Variants in FGGY observed in about 807,000 individuals in gnomAD.
The protein encoded by FGGY is FGGY carbohydrate kinase domain-containing protein.
A neutral mutation model predicts 71.3 loss-of-function variants in FGGY; 72 were observed. That is an observed-to-expected ratio of 1.01 (90% confidence interval 0.84 to 1.23). FGGY has a LOEUF of 1.23. Among genes scored for constraint, FGGY ranks in the 50% most tolerant of loss-of-function variants. The pLI is 0.00. For missense variants in FGGY, 668 were observed against 682.3 expected (o/e 0.98, Z 0.23); for synonymous variants, 251 against 250.3 (o/e 1.00, Z -0.02).
chr1:59,660,376 T>G (rs1474385489), intron 12 of FGGY, 83 bp downstream of exon 12: 12 of 972,410 alleles, frequency 1.2e-5, no homozygotes, highest in Non-Finnish European at 1.4e-5. Context: ...ATACAGCACA[T>G]GCTTTTGTGA....
intron 6 of FGGY, among the ~76,000 whole-genome samples, chr1:59,499,945 A>G (rs1051531612): frequency 1.4e-4 from 22 of 152,140 alleles, no homozygotes; most frequent in African/African-American, 4.8e-4. Flanking sequence ...ATATATACAT[A>G]TATATGTTTG....
intron 4 of FGGY, among the ~76,000 whole-genome samples, chr1:59,374,732 G>A (rs2153298864): frequency 6.6e-6 from 1 of 152,140 alleles, no homozygotes; most frequent in South Asian, 2.1e-4. Context: ...CCATAAAAAT[G>A]TTGAGTTCAC....
At chr1:59,533,217 T>G (rs1035833338) in intron 7 of FGGY, among the ~76,000 whole-genome samples, 1 of 150,822 alleles carries the variant, frequency 6.6e-6, no homozygotes, top group Admixed American at 6.6e-5. Flanking sequence ...GTCAGGGAGT[T>G]CCCTTTCCTA....
intron 3 of FGGY, among the ~76,000 whole-genome samples, chr1:59,343,512 C>T (rs2051138852): frequency 6.6e-6 from 1 of 152,192 alleles, no homozygotes; most frequent in African/African-American, 2.4e-5. Flanking sequence ...TTTGCTCCTC[C>T]TCCACATTCC....
At chr1:59,358,104 G>A (rs1213321080) in intron 4 of FGGY, among the ~76,000 whole-genome samples, 3 of 152,208 alleles carry the variant, frequency 2.0e-5, no homozygotes, top group Admixed American at 6.5e-5. Context: ...TTGTGATACA[G>A]TAACTCATAG....
intron 5 of FGGY, among the ~76,000 whole-genome samples, chr1:59,403,882 C>G (rs1488825720): frequency 6.6e-6 from 1 of 152,208 alleles, no homozygotes; most frequent in African/African-American, 2.4e-5. Context: ...TTCTCAGTTT[C>G]CTCATCTCAG....
intron 4 of FGGY, among the ~76,000 whole-genome samples, chr1:59,353,477 G>C (rs1240593528): frequency 1.3e-5 from 2 of 152,064 alleles, no homozygotes; most frequent in African/African-American, 4.8e-5. Flanking sequence ...ATAGAGAATA[G>C]AAGAGCACAG....
At chr1:59,314,167 G>A (rs923566668) in intron 1 of FGGY, among the ~76,000 whole-genome samples, 9 of 152,074 alleles carry the variant, frequency 5.9e-5, no homozygotes, top group Non-Finnish European at 1.2e-4. Context: ...GGGTTTCACC[G>A]TGTTAGCCAG....
intron 6 of FGGY, among the ~76,000 whole-genome samples, chr1:59,494,794 G>T (rs1417704240): frequency 1.3e-5 from 2 of 152,086 alleles, no homozygotes; most frequent in Non-Finnish European, 2.9e-5. Context: ...GGTACTAGAG[G>T]TGATTTTTAG....
At chr1:59,547,584 G>A (rs2095546382) in intron 7 of FGGY, among the ~76,000 whole-genome samples, 1 of 152,156 alleles carries the variant, frequency 6.6e-6, no homozygotes, top group Non-Finnish European at 1.5e-5. Context: ...GTAAATCAAA[G>A]TGATAATAAC....
At chr1:59,448,152 T>G (rs187318746) in intron 5 of FGGY, among the ~76,000 whole-genome samples, 163 of 152,260 alleles carry the variant, frequency 1.1e-3, no homozygotes, top group African/African-American at 3.7e-3. Context: ...CCATGGTTTT[T>G]GGCTTTTAGA....
At chr1:59,471,388 A>G (rs1382606334) in intron 6 of FGGY, among the ~76,000 whole-genome samples, 1 of 152,166 alleles carries the variant, frequency 6.6e-6, no homozygotes. Context: ...ATTTCTTTAT[A>G]GCAATGTGAA....
chr1:59,654,589 A>G (rs1385231858), intron 11 of FGGY, among the ~76,000 whole-genome samples: 1 of 152,190 alleles, frequency 6.6e-6, no homozygotes, highest in Non-Finnish European at 1.5e-5. Context: ...TTTAACAACT[A>G]GGAAGGAAAA....
upstream of FGGY, chr1:59,296,824 G>T (rs566344234): frequency 1.3e-5 from 2 of 152,694 alleles, no homozygotes; most frequent in South Asian, 2.0e-4. Flanking sequence ...CCCCGGGACC[G>T]CCCTGCTCAG....
chr1:59,354,743 T>C lies in FGGY; in HGVS notation c.465+8345T>C, dbSNP rs1428946531. ...GGATAAGGGCCCTGGGGTAGGCTTC[T>C]GGGAACTTAGAGTCTAGTGTAGAGA... On this transcript the variant is annotated intron_variant, in intron 4 of 15. Coordinates refer to ENST00000303721, the MANE Select transcript of FGGY (RefSeq NM_018291.5). Among the ~76,000 whole-genome samples, 4 of 152,212 alleles carry C rather than the reference T, an allele frequency of 2.6e-5. No homozygotes were observed. The East Asian group carries it at 7.7e-4, about 29-fold the overall frequency.
chr1:59,624,633 CAT>C lies in FGGY; in HGVS notation c.1012-1353_1012-1352del, dbSNP rs149803052. Among the ~76,000 whole-genome samples the C allele has an allele frequency of 2.9e-3, 446 of 152,236 alleles. 1 individual carries two copies. Among genetic ancestry groups the C allele is most frequent in the African/African-American group, 0.01 (428 of 41,550 alleles). ...CACATGGCTGGGGAGGCGTCACAAT[CAT>C]AGCAGAAGGCGAAAGGCATGTCTAA... On this transcript the variant is annotated intron_variant, in intron 9 of 15. Transcript: ENST00000303721.
chr1:59,737,184 G>A (rs961196028), intron 14 of FGGY, among the ~76,000 whole-genome samples: 2 of 152,260 alleles, frequency 1.3e-5, no homozygotes, highest in African/African-American at 4.8e-5. Flanking sequence ...GAAATGCCTG[G>A]ATGTCCAGGC....
chr1:59,634,835 C>T (rs995191565), intron 10 of FGGY, among the ~76,000 whole-genome samples: 2 of 152,112 alleles, frequency 1.3e-5, no homozygotes, highest in Non-Finnish European at 2.9e-5. Flanking sequence ...GCCCCAATAG[C>T]AAAAAAGCAA....
intron 7 of FGGY, among the ~76,000 whole-genome samples, chr1:59,517,297 G>T (rs1407492139): frequency 1.8e-5 from 2 of 112,996 alleles, no homozygotes; most frequent in African/African-American, 3.6e-5. Flanking sequence ...ACGGAGTCTC[G>T]CTCTGTCGCC....
Sources: gnomAD v4.1 joint callset for allele counts (sites outside exome capture counted in the v4.1 genomes callset) on GRCh38, gnomAD v4.1.1 for gene constraint, MANE v1.5 for transcripts, NCBI Gene and HGNC (gene_info 2026-07-23, HGNC 2026-07-21) for gene names.